The following TRAP1 variants were observed in gnomAD, a reference collection of about 807,000 sequenced individuals.
TRAP1 encodes heat shock protein 75 kDa, mitochondrial.
A neutral mutation model predicts 89.1 loss-of-function variants in TRAP1; 102 were observed. The ratio of observed to expected loss-of-function variants is 1.15; its 90% CI spans 0.98 to 1.35. The LOEUF is 1.35. Ranked by LOEUF, TRAP1 falls within the 40% of genes most tolerant of loss-of-function variation. The pLI, the probability that TRAP1 is intolerant of heterozygous loss-of-function variation, is 0.00. For missense variants in TRAP1, 1,256 were observed against 945.3 expected (o/e 1.33, Z -4.31); for synonymous variants, 508 against 388.0 (o/e 1.31, Z -3.64).
chr16:3,677,660 T>TG lies in TRAP1; in HGVS notation c.544-3dup. On this transcript the variant is annotated splice_polypyrimidine_tract_variant and splice_region_variant and intron_variant, in intron 5 of 17. Transcript: ENST00000246957. ...GTTCTGCAGAGCATCCAGGAAGGCC[T>TG]GTGGGGCAGAGGCCAGTTAGTGAGG... 6.2e-7 allele frequency: 1 copy of TG among 1,613,044 alleles called. No individual in the cohort carries two copies. The highest frequency in any genetic ancestry group is 8.5e-7 in the Non-Finnish European group (1 of 1,179,734).
chr16:3,711,626 A>G (rs1316321351), intron 1 of TRAP1, among the ~76,000 whole-genome samples: 2 of 152,004 alleles, frequency 1.3e-5, no homozygotes, highest in Non-Finnish European at 2.9e-5. Flanking sequence ...AACAAAAACC[A>G]AAACAAAAAC....
chr16:3,674,903 C>A, intron 8 of TRAP1: 1 of 320,288 alleles, frequency 3.1e-6, no homozygotes, highest in South Asian at 3.8e-5. Flanking sequence ...CCAGGAGAAA[C>A]GTCTGGAACA....
rs1366793494 is a variant in TRAP1, at chr16:3,674,471, C to A, written c.912G>T (p.Lys304Asn). 1 of 1,613,882 alleles carries A rather than the reference C, an allele frequency of 6.2e-7. No homozygotes were observed. Among genetic ancestry groups the A allele is most frequent in the African/African-American group, 1.3e-5 (1 of 74,934 alleles). ...TLQAIWMMDP[K>N]DVREWQHEEF... is the part of the protein sequence containing the mutation. ...CCTCATGTTGCCACTCACGGACATC[C>A]TTGGGGTCCATCATCCAGATGGCCT... is the stretch of plus-strand genomic sequence containing the variant. The change falls in exon 9 of 18, where the codon AAG becomes AAT. Residue 304 changes from lysine (K) to asparagine (N), a missense_variant. By Grantham distance (94) the Lys-to-Asn change is moderately conservative. Transcript: ENST00000246957.
chr16:3,663,583 C>T (rs376788607), intron 13 of TRAP1, 21 bp from the exon 14 acceptor site: 1 of 1,613,076 alleles, frequency 6.2e-7, no homozygotes, highest in East Asian at 2.2e-5. Context: ...CCAAGAGCAG[C>T]TCCATCAGAC....
chr16:3,709,682 G>C (rs529962939), intron 1 of TRAP1, among the ~76,000 whole-genome samples: 2 of 151,898 alleles, frequency 1.3e-5, no homozygotes, highest in African/African-American at 4.8e-5. Flanking sequence ...CGGAGTTTTC[G>C]CTCTTGTTGC....
rs754844100 is a variant in TRAP1, at chr16:3,679,688, G to A, written c.543+31C>T. 7 of 1,612,432 alleles carry A rather than the reference G, an allele frequency of 4.3e-6. No individual in the cohort carries two copies. In the Admixed American group the frequency reaches 6.7e-5, roughly 15 times the overall value. On this transcript the variant is annotated intron_variant, in intron 5 of 17. Transcript: ENST00000246957. ...AGGGATCCTTGCACCCTGAGGGGAAGGGGGAGGCTGTGTGGGGGCCCCACG... is the reference window on the plus strand; with the variant it reads ...AGGGATCCTTGCACCCTGAGGGGAAAGGGGAGGCTGTGTGGGGGCCCCACG...
At chr16:3,664,089 A>C (rs905485990) in intron 13 of TRAP1, 185 bp downstream of exon 13, 16 of 608,998 alleles carry the variant, frequency 2.6e-5, no homozygotes, top group East Asian at 1.9e-4. Flanking sequence ...AACAAAAAAA[A>C]CCACATGTGA....
chr16:3,671,308 G>A (rs372718557), intron 11 of TRAP1, among the ~76,000 whole-genome samples: 97 of 152,330 alleles, frequency 6.4e-4, no homozygotes, highest in African/African-American at 2.2e-3. Context: ...GCCAGTAAGC[G>A]AGGTTTTGAA....
Position 3,712,918 on chromosome 16 carries a change from A to T in TRAP1, c.88+4503T>A, listed in dbSNP as rs187591370. ...GACGAGAGCCACCGCGCCCGGCCTG[A>T]TGTGTTCTTTTTCAGGCACTCAGAT... On this transcript the variant is annotated intron_variant, in intron 1 of 17. Coordinates refer to ENST00000246957, the MANE Select transcript of TRAP1 (RefSeq NM_016292.3). Among the ~76,000 whole-genome samples the T allele has an allele frequency of 9.5e-4, 145 of 152,138 alleles. 1 individual carries two copies. The highest frequency in any genetic ancestry group is 3.0e-3 in the Admixed American group (46 of 15,248).
intron 8 of TRAP1, chr16:3,674,965 G>A (rs1269569030): frequency 6.0e-6 from 2 of 331,862 alleles, no homozygotes; most frequent in Admixed American, 4.5e-5. Flanking sequence ...TGGGGGAGGG[G>A]CAGTGGGGAA....
rs762241725 is a variant in TRAP1 at position 3,672,666 on chromosome 16, C to T, written c.1165+34G>A. On this transcript the variant is annotated intron_variant, in intron 10 of 17. Transcript: ENST00000246957. Reference sequence around the variant, plus strand: ...AGATGCAGCGGGCGACACTGGGCCACGGGGGCACTGCTCACGGACTCTGAG... The same window carrying T: ...AGATGCAGCGGGCGACACTGGGCCATGGGGGCACTGCTCACGGACTCTGAG... 7.0e-5 allele frequency: 112 copies of T among 1,589,422 alleles called. 1 individual carries two copies. Among genetic ancestry groups the T allele is most frequent in the East Asian group, 9.1e-5 (4 of 44,138 alleles).
rs545771484 is a variant in TRAP1 at position 3,659,133 on chromosome 16, G to A, written c.1941-268C>T. ...TAAAGGGACAAAAGGAGCTTAGTAC[G>A]TGAAGACATGCCTTGGTTCCTAGAT... On this transcript the variant is annotated intron_variant, in intron 16 of 17. Transcript: ENST00000246957. 530 of 373,618 alleles carry A rather than the reference G, an allele frequency of 1.4e-3. 5 individuals are homozygous for A. Among genetic ancestry groups the A allele is most frequent in the Middle Eastern group, 1.4e-3 (2 of 1,450 alleles). 23.1% of individuals were successfully genotyped at this position (373,618 alleles called of 1,614,324 possible). A position where few individuals can be genotyped will look rare whatever the true frequency, so the allele number is the denominator to read the frequency against.
intron 1 of TRAP1, among the ~76,000 whole-genome samples, chr16:3,712,423 G>C (rs760950598): frequency 6.6e-6 from 1 of 151,332 alleles, no homozygotes; most frequent in South Asian, 2.1e-4. Context: ...TGGGGGGCAG[G>C]AGTAAATGTT....
intron 1 of TRAP1, among the ~76,000 whole-genome samples, chr16:3,711,659 A>G (rs1486294857): frequency 6.6e-6 from 1 of 152,148 alleles, no homozygotes; most frequent in Admixed American, 6.6e-5. Flanking sequence ...GGTGGCAGTA[A>G]TACTCCCGCA....
At chr16:3,679,882 T>A (rs571752738) in intron 4 of TRAP1, 92 bp from the exon 5 acceptor site, 23 of 1,297,424 alleles carry the variant, frequency 1.8e-5, no homozygotes, top group Non-Finnish European at 2.5e-5. Flanking sequence ...GTGGTGTCAA[T>A]GACATTGGCC....
intron 1 of TRAP1, among the ~76,000 whole-genome samples, chr16:3,703,973 C>G (rs1268645645): frequency 6.7e-6 from 1 of 149,212 alleles, no homozygotes; most frequent in Non-Finnish European, 1.5e-5. Flanking sequence ...CGAGATCGCG[C>G]CACTGCACTC....
At chr16:3,664,769 G>A in intron 12 of TRAP1, 1 of 328,652 alleles carries the variant, frequency 3.0e-6, no homozygotes, top group Non-Finnish European at 5.6e-6. Context: ...CCTGGACCCA[G>A]CGTCTTCCCT....
chr16:3,708,935 C>T (rs968290139), intron 1 of TRAP1, among the ~76,000 whole-genome samples: 1 of 151,374 alleles, frequency 6.6e-6, no homozygotes, highest in African/African-American at 2.4e-5. Flanking sequence ...CCTGCCTCAG[C>T]TTCCCAAGTA....
chr16:3,665,988 T>C lies in TRAP1; in HGVS notation c.1366A>G (p.Thr456Ala). ...LFMREGIVTATEQEVKEDIAK... is the reference protein window; with the variant it reads ...LFMREGIVTAAEQEVKEDIAK... Reference sequence around the variant, plus strand: ...TCCTATACCTTGACCTCCTGCTCGGTGGCGGTCACAATGCCCTCCCGCATG... The same window carrying C: ...TCCTATACCTTGACCTCCTGCTCGGCGGCGGTCACAATGCCCTCCCGCATG... The change falls in exon 12 of 18, where the codon ACC becomes GCC. Residue 456 changes from threonine to alanine, a missense_variant. Transcript: ENST00000246957. 6.2e-7 allele frequency: 1 copy of C among 1,613,860 alleles called. No homozygotes were observed. The highest frequency in any genetic ancestry group is 8.5e-7 in the Non-Finnish European group (1 of 1,179,922).
Sources: allele counts gnomAD v4.1 joint callset (sites outside exome capture counted in the v4.1 genomes callset), GRCh38; gene constraint gnomAD v4.1.1; transcripts MANE v1.5; gene names NCBI Gene and HGNC (gene_info 2026-07-23, HGNC 2026-07-21).